Variants in GALNTL6 observed in about 807,000 individuals in gnomAD.
GALNTL6 encodes polypeptide N-acetylgalactosaminyltransferase-like 6.
Under a neutral mutation model 73.7 loss-of-function variants are expected in GALNTL6, and 46 were observed. The observed-to-expected ratio is 0.62, with a 90% CI of 0.49 to 0.80. The LOEUF is 0.80. Among genes scored for constraint, GALNTL6 ranks in the 30% least tolerant of loss-of-function variants. The pLI, the probability that GALNTL6 is intolerant of heterozygous loss-of-function variation, is 0.00. For synonymous variants in GALNTL6, 259 were observed against 263.7 expected (o/e 0.98, Z 0.17); for missense variants, 604 against 755.0 (o/e 0.80, Z 2.34).
intron 5 of GALNTL6, among the ~76,000 whole-genome samples, chr4:172,664,459 T>C (rs1317177644): frequency 2.0e-5 from 3 of 152,228 alleles, no homozygotes; most frequent in Non-Finnish European, 4.4e-5. Context: ...CTACTTTTGC[T>C]TTATAACACC....
At chr4:172,404,119 CT>C in intron 5 of GALNTL6, among the ~76,000 whole-genome samples, 1 of 151,912 alleles carries the variant, frequency 6.6e-6, no homozygotes, top group South Asian at 2.1e-4. Context: ...TATACATACC[CT>C]TAGTTTAACA....
At chr4:172,470,098 A>G (rs1214915436) in intron 5 of GALNTL6, among the ~76,000 whole-genome samples, 1 of 152,218 alleles carries the variant, frequency 6.6e-6, no homozygotes. Context: ...CAGGTGTAGC[A>G]CAATGCTAGG....
At chr4:172,197,472 C>A (rs148399877) in intron 2 of GALNTL6, among the ~76,000 whole-genome samples, 2,174 of 152,188 alleles carry the variant, frequency 0.014, 56 homozygotes, top group African/African-American at 0.05. Context: ...AAAAAAGAAT[C>A]CATATAGCCA....
At chr4:171,927,352 A>G (rs1411702260) in intron 2 of GALNTL6, among the ~76,000 whole-genome samples, 1 of 152,110 alleles carries the variant, frequency 6.6e-6, no homozygotes, top group African/African-American at 2.4e-5. Flanking sequence ...TATTCTGTAG[A>G]TTGAGGTAGG....
At chr4:171,822,577 G>A (rs541882750) in intron 2 of GALNTL6, among the ~76,000 whole-genome samples, 144 of 152,168 alleles carry the variant, frequency 9.5e-4, no homozygotes, top group Non-Finnish European at 1.7e-3. Context: ...TTTTTAGAAC[G>A]TCCATTGAAG....
At chr4:172,349,141 A>G (rs1741854258) in intron 5 of GALNTL6, among the ~76,000 whole-genome samples, 2 of 152,166 alleles carry the variant, frequency 1.3e-5, no homozygotes, top group South Asian at 4.1e-4. Flanking sequence ...ACTATAAGGG[A>G]CACAGGTACA....
intron 9 of GALNTL6, among the ~76,000 whole-genome samples, chr4:172,934,064 T>C (rs1478045138): frequency 6.6e-6 from 1 of 152,190 alleles, no homozygotes; most frequent in African/African-American, 2.4e-5. Context: ...TTACCTGGCA[T>C]TAGAATCTGG....
At chr4:173,011,797 A>G (rs1007223103) in intron 11 of GALNTL6, among the ~76,000 whole-genome samples, 4 of 152,186 alleles carry the variant, frequency 2.6e-5, no homozygotes, top group Non-Finnish European at 4.4e-5. Context: ...GTGATTTCTA[A>G]CCCTCTTAGA....
chr4:172,079,514 T>C (rs1731812314), intron 2 of GALNTL6, among the ~76,000 whole-genome samples: 1 of 152,126 alleles, frequency 6.6e-6, no homozygotes, highest in Non-Finnish European at 1.5e-5. Context: ...TGGTTCCACA[T>C]AGTACTCAAT....
intron 2 of GALNTL6, among the ~76,000 whole-genome samples, chr4:172,059,995 A>C (rs1212571151): frequency 6.6e-6 from 1 of 152,248 alleles, no homozygotes; most frequent in East Asian, 1.9e-4. Context: ...ATTTGAATCC[A>C]GCTTCACTTA....
chr4:172,852,258 G>T (rs1743865991), intron 7 of GALNTL6, among the ~76,000 whole-genome samples: 1 of 152,138 alleles, frequency 6.6e-6, no homozygotes, highest in Non-Finnish European at 1.5e-5. Context: ...AGCCTTATTT[G>T]AGGGGCCTAC....
intron 5 of GALNTL6, among the ~76,000 whole-genome samples, chr4:172,396,635 A>C (rs999056585): frequency 1.4e-4 from 21 of 152,182 alleles, no homozygotes; most frequent in African/African-American, 4.6e-4. Flanking sequence ...GACATCTTTG[A>C]CTACAACCAT....
At chr4:172,853,094 T>A (rs1222306062) in intron 7 of GALNTL6, among the ~76,000 whole-genome samples, 2 of 152,168 alleles carry the variant, frequency 1.3e-5, no homozygotes, top group Non-Finnish European at 2.9e-5. Context: ...TCTGAGCACA[T>A]CTTAATGGGA....
At chr4:172,020,525 A>G (rs913823531) in intron 2 of GALNTL6, among the ~76,000 whole-genome samples, 1 of 152,060 alleles carries the variant, frequency 6.6e-6, no homozygotes, top group African/African-American at 2.4e-5. Context: ...AGTGGCTACT[A>G]TGAACAACTA....
chr4:172,573,734 G>A (rs1350547749), intron 5 of GALNTL6, among the ~76,000 whole-genome samples: 1 of 152,138 alleles, frequency 6.6e-6, no homozygotes, highest in Non-Finnish European at 1.5e-5. Context: ...CAGTTTTCAA[G>A]CATGACCAGG....
intron 2 of GALNTL6, among the ~76,000 whole-genome samples, chr4:172,026,427 G>A (rs1034493017): frequency 7.2e-5 from 11 of 152,056 alleles, no homozygotes; most frequent in Admixed American, 1.3e-4. Context: ...GAAAGATGTA[G>A]GTTCAAATTA....
chr4:171,928,126 T>C (rs922784046), intron 2 of GALNTL6, among the ~76,000 whole-genome samples: 5 of 152,210 alleles, frequency 3.3e-5, no homozygotes, highest in East Asian at 1.9e-4. Context: ...TCAAATTATA[T>C]CTTCAAATTG....
intron 2 of GALNTL6, among the ~76,000 whole-genome samples, chr4:171,914,526 G>C (rs1400539554): frequency 1.3e-5 from 2 of 149,256 alleles, no homozygotes; most frequent in Non-Finnish European, 3.0e-5. Context: ...CACCTCATGG[G>C]TTCAAGCTAT....
intron 3 of GALNTL6, among the ~76,000 whole-genome samples, chr4:172,247,156 G>A (rs1737690303): frequency 6.6e-6 from 1 of 152,048 alleles, no homozygotes; most frequent in Non-Finnish European, 1.5e-5. Flanking sequence ...CCCCTTGGAA[G>A]TCACATACAA....
Sources: gnomAD v4.1 joint callset for allele counts (sites outside exome capture counted in the v4.1 genomes callset) on GRCh38, gnomAD v4.1.1 for gene constraint, MANE v1.5 for transcripts, NCBI Gene and HGNC (gene_info 2026-07-23, HGNC 2026-07-21) for gene names.